The following OXTR variants were observed in gnomAD, a reference collection of about 807,000 sequenced individuals.
OXTR encodes oxytocin receptor.
Under a neutral mutation model 23.9 loss-of-function variants are expected in OXTR, and 19 were observed. The observed-to-expected ratio is 0.80, with a 90% CI of 0.56 to 1.17. OXTR has a LOEUF of 1.17. Ranked by LOEUF, OXTR falls within the 50% of genes most tolerant of loss-of-function variation. The pLI is 0.00. For missense variants in OXTR, 500 were observed against 550.7 expected, an observed-to-expected ratio of 0.91 and a Z score of 0.92; for synonymous variants, 278 against 250.5, an observed-to-expected ratio of 1.11 and a Z score of -1.04.
At position 8,762,694 on chromosome 3, in the gene OXTR, C is replaced by T. The variant is rs569382771; in HGVS notation, c.922+4572G>A. Among the ~76,000 whole-genome samples, 117 of 152,346 alleles carry T rather than the reference C, an allele frequency of 7.7e-4. 2 individuals carry two copies. In the South Asian group the frequency reaches 0.024, roughly 31 times the overall value. The stretch of plus-strand genomic sequence containing the variant: ...CGGGACATGCCCGAGGATCCTCAGT[C>T]CCACAGAAACAGGGAGGGGCTGGGA... On this transcript the variant is annotated intron_variant, in intron 3 of 3. Transcript: ENST00000316793.
chr3:8,758,738 G>A lies in OXTR; in HGVS notation c.923-5514C>T, dbSNP rs1260810956. On this transcript the variant is annotated intron_variant, in intron 3 of 3. Coordinates refer to ENST00000316793, the MANE Select transcript of OXTR (RefSeq NM_000916.4). Reference sequence around the variant, plus strand: ...GGGCGGGCTACAGAGTTGAAAATGGGTTTCTCTGACAGCACTGCTCCAATC... The same window carrying A: ...GGGCGGGCTACAGAGTTGAAAATGGATTTCTCTGACAGCACTGCTCCAATC... 1.3e-5 allele frequency among the ~76,000 whole-genome samples: 2 copies of A among 152,158 alleles called. 1 individual carries two copies. Among genetic ancestry groups the A allele is most frequent in the East Asian group, 3.9e-4 (2 of 5,192 alleles).
At position 8,767,661 on chromosome 3, in the gene OXTR, GAGA is replaced by G. The variant is rs1165873096; in HGVS notation, c.524_526del (p.Phe175del). Reference sequence around the variant, plus strand: ...GACGCCGTCAGCCACCTCGCGCAGAGAGAAGATGTGCACCTGCGGCGCGCTGGC... The same window carrying G: ...GACGCCGTCAGCCACCTCGCGCAGAGAGATGTGCACCTGCGGCGCGCTGGC... On this transcript the variant is annotated inframe_deletion, in exon 3 of 4. Transcript: ENST00000316793. The G allele has an allele frequency of 6.2e-6, 10 of 1,612,646 alleles. No individual in the cohort carries two copies. Among genetic ancestry groups the G allele is most frequent in the South Asian group, 3.3e-5 (3 of 91,030 alleles).
chr3:8,760,121 A>C (rs913926671), intron 3 of OXTR, among the ~76,000 whole-genome samples: 3 of 152,290 alleles, frequency 2.0e-5, no homozygotes, highest in African/African-American at 7.2e-5. Flanking sequence ...CATCAGCTAC[A>C]CTGACTTGCA....
Position 8,751,708 on chromosome 3 carries a change from T to C in OXTR, c.*1269A>G, listed in dbSNP as rs1286232202. 6.6e-6 allele frequency: 1 copy of C among 152,238 alleles called. No homozygotes were observed. Among genetic ancestry groups the C allele is most frequent in the Non-Finnish European group, 1.5e-5 (1 of 68,042 alleles). The allele number at this position is 152,238 out of a possible 1,614,324, so 9.4% of individuals were successfully genotyped here. A position where few individuals can be genotyped will look rare whatever the true frequency, so the allele number is the denominator to read the frequency against. On this transcript the variant is annotated 3_prime_UTR_variant, in exon 4 of 4. Coordinates refer to ENST00000316793, the MANE Select transcript of OXTR (RefSeq NM_000916.4). ...GACCGTAAGTATAAGTGTTCATATCTGTACTCTTTATTCTGCTCCGTATGT... is the reference window on the plus strand; with the variant it reads ...GACCGTAAGTATAAGTGTTCATATCCGTACTCTTTATTCTGCTCCGTATGT...
rs1708280501 is a variant in OXTR at position 8,752,339 on chromosome 3, T to C, written c.*638A>G. 1 of 152,560 alleles carries C rather than the reference T, an allele frequency of 6.6e-6. No individual in the cohort carries two copies. 9.5% of individuals were successfully genotyped at this position (152,560 alleles called of 1,614,324 possible). A position where few individuals can be genotyped will look rare whatever the true frequency, so the allele number is the denominator to read the frequency against. ...TTTACTTCTTCTTTTCCTATCTGGA[T>C]ACATTTATTTCTTTTTCTTTCCCAA... On this transcript the variant is annotated 3_prime_UTR_variant, in exon 4 of 4. Transcript: ENST00000316793.
Position 8,752,838 on chromosome 3 carries a change from C to A in OXTR, c.*139G>T. 3 of 917,444 alleles carry A rather than the reference C, an allele frequency of 3.3e-6. No individual in the cohort carries two copies. Among genetic ancestry groups the A allele is most frequent in the South Asian group, 3.5e-5 (2 of 56,964 alleles). 56.8% of individuals were successfully genotyped at this position (917,444 alleles called of 1,614,324 possible). A position where few individuals can be genotyped will look rare whatever the true frequency, so the allele number is the denominator to read the frequency against. On this transcript the variant is annotated 3_prime_UTR_variant, in exon 4 of 4. Transcript: ENST00000316793. Reference sequence around the variant, plus strand: ...CCATCATGGAGGCCACTCTCCACCCCACTGAAGCCACCCCAAGGAGGGGAG... The same window carrying A: ...CCATCATGGAGGCCACTCTCCACCCAACTGAAGCCACCCCAAGGAGGGGAG...
At chr3:8,746,983 G>T (rs976830856), downstream of OXTR, among the ~76,000 whole-genome samples, 1 of 152,100 alleles carries the variant, frequency 6.6e-6, no homozygotes, top group African/African-American at 2.4e-5. Context: ...CACATTAAAG[G>T]CTCTGACATG....
At chr3:8,745,864 C>A, downstream of OXTR, 1 of 1,609,652 alleles carries the variant, frequency 6.2e-7, no homozygotes, top group South Asian at 1.1e-5. The surrounding 1 kb of genome is among the most constrained non-coding windows in gnomAD (Gnocchi z 4.8). Flanking sequence ...GGAAGGAGGT[C>A]TAAAGCCAGG....
At position 8,769,530 on chromosome 3, in the gene OXTR, T is replaced by C. The variant is rs1473407450; in HGVS notation, c.-538A>G. The C allele has an allele frequency of 1.3e-5, 2 of 152,242 alleles. No homozygotes were observed. The highest frequency in any genetic ancestry group is 2.4e-5 in the African/African-American group (1 of 41,450). 9.4% of individuals were successfully genotyped at this position (152,242 alleles called of 1,614,324 possible). A position where few individuals can be genotyped will look rare whatever the true frequency, so the allele number is the denominator to read the frequency against. On this transcript the variant is annotated 5_prime_UTR_variant, in exon 1 of 4. Transcript: ENST00000316793. ...GGCTGAGGCTGCACTATCGCACGGG[T>C]CCGCTAGGGGGCGGGCGAGGCCAGC... is the stretch of plus-strand genomic sequence containing the variant.
At position 8,767,807 on chromosome 3, in the gene OXTR, G is replaced by T. The variant is rs1462715138; in HGVS notation, c.381C>A (p.Thr127=). The change falls in exon 3 of 4, where the codon ACC becomes ACA. Residue 127 remains threonine, a synonymous_variant. Coordinates refer to ENST00000316793, the MANE Select transcript of OXTR (RefSeq NM_000916.4). ...YLQVVGMFAS[T]YLLLLMSLDR... ...CCAGGGACATGAGCAGCAGCAGGTAGGTGGAGGCGAACATGCCCACCACCT... is the reference window on the plus strand; with the variant it reads ...CCAGGGACATGAGCAGCAGCAGGTATGTGGAGGCGAACATGCCCACCACCT... The T allele has an allele frequency of 6.2e-7, 1 of 1,610,544 alleles. No individual in the cohort carries two copies. Among genetic ancestry groups the T allele is most frequent in the South Asian group, 1.1e-5 (1 of 90,564 alleles).
At chr3:8,745,486 G>A (rs374219720), downstream of OXTR, 110 of 1,168,678 alleles carry the variant, frequency 9.4e-5, no homozygotes, top group Non-Finnish European at 1.3e-4. This position sits in a 1 kb window ranked among gnomAD's most constrained non-coding sequence, Gnocchi z 4.8. Context: ...AGAAGCGGGT[G>A]GCTTCTGTGA....
intron 3 of OXTR, among the ~76,000 whole-genome samples, chr3:8,761,391 T>C (rs1443557249): frequency 6.6e-6 from 1 of 151,998 alleles, no homozygotes; most frequent in Non-Finnish European, 1.5e-5. Flanking sequence ...GGCCAGATAG[T>C]GGGGGAGGGT....
chr3:8,767,477 T>C lies in OXTR; in HGVS notation c.711A>G (p.Ala237=). The stretch of plus-strand genomic sequence containing the variant: ...CCTCTGGCGCCTCGGCCGCCGCCGC[T>C]GCAGCGGTCTTGAGCCGCAAGTTCT... ...IWQNLRLKTA[A]AAAAEAPEGA... Residue 237 remains alanine, a synonymous_variant, in exon 3 of 4, where the codon GCA becomes GCG. Transcript: ENST00000316793. 6.2e-7 allele frequency: 1 copy of C among 1,605,568 alleles called. No homozygotes were observed. Among genetic ancestry groups the C allele is most frequent in the Non-Finnish European group, 8.5e-7 (1 of 1,176,112 alleles).
chr3:8,765,774 C>A (rs11708861), intron 3 of OXTR, among the ~76,000 whole-genome samples: 10 of 152,182 alleles, frequency 6.6e-5, no homozygotes, highest in Non-Finnish European at 1.5e-4. Flanking sequence ...TGCTGTGTGA[C>A]CTGGTGCAAG....
chr3:8,758,493 T>C (rs1440331667), intron 3 of OXTR, among the ~76,000 whole-genome samples: 12 of 152,184 alleles, frequency 7.9e-5, no homozygotes, highest in Admixed American at 7.2e-4. Context: ...TGTAAGTCCC[T>C]CATTCCTACA....
rs201786482 is a variant in OXTR, at chr3:8,753,086, C to G, written c.1061G>C (p.Gly354Ala). The change falls in exon 4 of 4, where the codon GGC becomes GCC. Residue 354 changes from glycine to alanine, a missense_variant. Coordinates refer to ENST00000316793, the MANE Select transcript of OXTR (RefSeq NM_000916.4). The part of the protein sequence containing the change: ...FLCCSASYLK[G>A]RRLGETSASK... Reference sequence around the variant, plus strand: ...GGCACTCGTCTCTCCCAGGCGTCTGCCCTTCAGGTAGCTGGCGGAGCAGCA... The same window carrying G: ...GGCACTCGTCTCTCCCAGGCGTCTGGCCTTCAGGTAGCTGGCGGAGCAGCA... The G allele has an allele frequency of 6.2e-7, 1 of 1,614,048 alleles. No homozygotes were observed. Among genetic ancestry groups the G allele is most frequent in the Non-Finnish European group, 8.5e-7 (1 of 1,180,036 alleles).
At chr3:8,748,304 A>G (rs1708201441), downstream of OXTR, among the ~76,000 whole-genome samples, 1 of 152,212 alleles carries the variant, frequency 6.6e-6, no homozygotes, top group Admixed American at 6.5e-5. Flanking sequence ...GAATCCTATC[A>G]TCCCCAGAGT....
chr3:8,762,059 A>G (rs1388392897), intron 3 of OXTR, among the ~76,000 whole-genome samples: 1 of 152,162 alleles, frequency 6.6e-6, no homozygotes, highest in Non-Finnish European at 1.5e-5. Flanking sequence ...CAAGGTGGTA[A>G]GGTCAGCAGG....
chr3:8,755,681 C>CTG (rs1708356721), intron 3 of OXTR, among the ~76,000 whole-genome samples: 1 of 152,082 alleles, frequency 6.6e-6, no homozygotes, highest in Non-Finnish European at 1.5e-5. Context: ...GATGAAGGGC[C>CTG]CTCTCTAAGC....
Sources: gnomAD v4.1 joint callset for allele counts (sites outside exome capture counted in the v4.1 genomes callset) on GRCh38, gnomAD v4.1.1 for gene constraint, Gnocchi (gnomAD v3.1) non-coding constraint, MANE v1.5 for transcripts, NCBI Gene and HGNC (gene_info 2026-07-23, HGNC 2026-07-21) for gene names.